CCDC172: variants seen among roughly 807,000 people sequenced by gnomAD.
The protein encoded by CCDC172 is coiled-coil domain containing 172, also known as coiled-coil domain-containing protein 172.
Under a neutral mutation model 38.0 loss-of-function variants are expected in CCDC172, and 30 were observed. That is an observed-to-expected ratio of 0.79 (90% CI 0.59 to 1.07). The LOEUF (loss-of-function observed/expected upper bound fraction) is 1.07, where lower values mean the gene tolerates loss of function less well. Ranked by LOEUF, CCDC172 falls within the 50% of genes least tolerant of loss-of-function variation. The pLI is 0.00. For missense variants in CCDC172, 297 were observed against 290.1 expected, an observed-to-expected ratio of 1.02 and a Z score of -0.17; for synonymous variants, 78 against 88.3, an observed-to-expected ratio of 0.88 and a Z score of 0.66.
intron 5 of CCDC172, among the ~76,000 whole-genome samples, chr10:116,347,690 A>G (rs1485972175): frequency 6.6e-6 from 1 of 152,162 alleles, no homozygotes; most frequent in East Asian, 1.9e-4. Context: ...ATCCAATATC[A>G]TCACTATTAT....
intron 7 of CCDC172, among the ~76,000 whole-genome samples, chr10:116,359,473 A>G (rs1162191696): frequency 6.6e-6 from 1 of 152,102 alleles, no homozygotes; most frequent in Non-Finnish European, 1.5e-5. Context: ...GGCCTTGTTG[A>G]CATTTTAGAC....
At chr10:116,339,320 T>TGA (rs1391469806) in intron 3 of CCDC172, among the ~76,000 whole-genome samples, 1 of 151,998 alleles carries the variant, frequency 6.6e-6, no homozygotes, top group East Asian at 1.9e-4. Flanking sequence ...TTAACTTCTC[T>TGA]GGACCTCATT....
chr10:116,364,094 T>C (rs1845095866), intron 7 of CCDC172, among the ~76,000 whole-genome samples: 1 of 152,104 alleles, frequency 6.6e-6, no homozygotes, highest in African/African-American at 2.4e-5. Context: ...TAGAAAACAT[T>C]AAATTAGTGG....
intron 3 of CCDC172, 24 bp from the exon 4 acceptor site, chr10:116,340,710 G>T: frequency 8.6e-7 from 1 of 1,157,488 alleles, no homozygotes; most frequent in South Asian, 1.3e-5. Context: ...GTTTTATTCT[G>T]ATTTCTGTTT....
chr10:116,373,096 A>C (rs1845205626), intron 7 of CCDC172, among the ~76,000 whole-genome samples: 1 of 152,148 alleles, frequency 6.6e-6, no homozygotes, highest in Admixed American at 6.6e-5. Flanking sequence ...ATAAAACTCC[A>C]GAAATGGTTC....
At chr10:116,364,967 TA>T (rs1346645417) in intron 7 of CCDC172, among the ~76,000 whole-genome samples, 1 of 152,178 alleles carries the variant, frequency 6.6e-6, no homozygotes, top group Non-Finnish European at 1.5e-5. Flanking sequence ...TAAGTTTTTC[TA>T]AACTAATTAG....
intron 3 of CCDC172, among the ~76,000 whole-genome samples, chr10:116,335,749 C>T (rs1049893824): frequency 2.0e-5 from 3 of 151,968 alleles, no homozygotes; most frequent in African/African-American, 7.3e-5. Context: ...GGATATTTTC[C>T]ATGCTTTTTT....
intron 5 of CCDC172, among the ~76,000 whole-genome samples, chr10:116,348,462 C>T (rs1156562172): frequency 3.9e-5 from 6 of 152,060 alleles, no homozygotes; most frequent in Admixed American, 3.9e-4. Context: ...CCATTTTTAA[C>T]TTCATAGCTA....
intron 8 of CCDC172, 101 bp downstream of exon 8, chr10:116,378,611 C>T (rs760695506): frequency 3.1e-5 from 26 of 835,314 alleles, no homozygotes; most frequent in Non-Finnish European, 4.4e-5. Context: ...GTGTTTAATC[C>T]CTCTGCAAAA....
chr10:116,371,814 A>G (rs968748542), intron 7 of CCDC172, among the ~76,000 whole-genome samples: 16 of 152,160 alleles, frequency 1.1e-4, no homozygotes, highest in African/African-American at 3.1e-4. Context: ...AAAGACAAAA[A>G]GAACATCATT....
At chr10:116,362,627 G>A (rs139594521) in intron 7 of CCDC172, among the ~76,000 whole-genome samples, 120 of 152,274 alleles carry the variant, frequency 7.9e-4, no homozygotes, top group Middle Eastern at 6.8e-3. Flanking sequence ...GCTCAAAGTA[G>A]ACAAGAGTAA....
intron 5 of CCDC172, among the ~76,000 whole-genome samples, chr10:116,355,310 G>A (rs776773728): frequency 1.4e-4 from 21 of 151,972 alleles, no homozygotes; most frequent in Admixed American, 2.0e-4. Context: ...TGCTTATTAC[G>A]GTGTGCCTAC....
chr10:116,371,509 C>T (rs1256204365), intron 7 of CCDC172, among the ~76,000 whole-genome samples: 2 of 151,792 alleles, frequency 1.3e-5, no homozygotes, highest in African/African-American at 4.8e-5. Context: ...TATATGTATT[C>T]ACTATCTTGA....
intron 5 of CCDC172, among the ~76,000 whole-genome samples, chr10:116,356,075 G>T (rs896831757): frequency 6.6e-6 from 1 of 152,108 alleles, no homozygotes; most frequent in Non-Finnish European, 1.5e-5. Context: ...GCTCACACCT[G>T]TAATCCCAGC....
intron 3 of CCDC172, among the ~76,000 whole-genome samples, chr10:116,328,444 C>T (rs1467232189): frequency 6.6e-6 from 1 of 152,002 alleles, no homozygotes; most frequent in Non-Finnish European, 1.5e-5. Flanking sequence ...TTGGTAGTTT[C>T]TTTTAAACAT....
chr10:116,348,166 G>A (rs893655453), intron 5 of CCDC172, among the ~76,000 whole-genome samples: 11 of 151,564 alleles, frequency 7.3e-5, no homozygotes, highest in African/African-American at 1.2e-4. Flanking sequence ...CCTATGAAAC[G>A]GTTTGTGGCA....
At chr10:116,374,449 T>C (rs530866147) in intron 7 of CCDC172, among the ~76,000 whole-genome samples, 2 of 152,090 alleles carry the variant, frequency 1.3e-5, no homozygotes, top group Non-Finnish European at 2.9e-5. Flanking sequence ...TTATTGATAA[T>C]ATCTTTCTGT....
chr10:116,370,075 A>T (rs1006553658), intron 7 of CCDC172, among the ~76,000 whole-genome samples: 3 of 151,694 alleles, frequency 2.0e-5, no homozygotes, highest in African/African-American at 7.3e-5. Context: ...TGATTAGAAA[A>T]TTTATTTATA....
intron 7 of CCDC172, among the ~76,000 whole-genome samples, chr10:116,373,094 C>G (rs1397510499): frequency 1.3e-5 from 2 of 151,930 alleles, no homozygotes; most frequent in Non-Finnish European, 1.5e-5. Flanking sequence ...TAATAAAACT[C>G]CAGAAATGGT....
Sources: allele counts gnomAD v4.1 joint callset (sites outside exome capture counted in the v4.1 genomes callset), GRCh38; gene constraint gnomAD v4.1.1; transcripts MANE v1.5; gene names NCBI Gene and HGNC (gene_info 2026-07-23, HGNC 2026-07-21).